RANBP2: variants seen among roughly 807,000 people sequenced by gnomAD.
The protein encoded by RANBP2 is E3 SUMO-protein ligase RanBP2.
Under a neutral mutation model 303.6 loss-of-function variants are expected in RANBP2, and 57 were observed. The observed-to-expected ratio is 0.19, with a 90% CI of 0.15 to 0.23. The LOEUF is 0.23. RANBP2 is among the 10% of genes least tolerant of loss of function. The pLI is 1.00. For missense variants in RANBP2, 3,138 were observed against 3,780.8 expected (o/e 0.83, Z 4.46); for synonymous variants, 1,167 against 1,301.5 (o/e 0.90, Z 2.23).
chr2:109,715,001 C>G, the RANBP2 span, among the ~76,000 whole-genome samples: 134 of 136,316 alleles, frequency 9.8e-4, no homozygotes, highest in Non-Finnish European at 1.8e-3. Context: ...TGGAGTTTCG[C>G]TCTTGTTGCC....
chr2:108,880,079 A>G, the RANBP2 span, among the ~76,000 whole-genome samples: 1 of 152,194 alleles, frequency 6.6e-6, no homozygotes, highest in Non-Finnish European at 1.5e-5. Context: ...AAAGCAAAAG[A>G]AAACATTTTA....
the RANBP2 span, among the ~76,000 whole-genome samples, chr2:109,199,171 A>G: frequency 6.6e-6 from 1 of 151,866 alleles, no homozygotes; most frequent in African/African-American, 2.4e-5. Context: ...CATCCTGGCT[A>G]ACACGGTGAA....
the RANBP2 span, among the ~76,000 whole-genome samples, chr2:109,604,410 GAAAGAAAGAAA>G: frequency 7.2e-6 from 1 of 138,178 alleles, no homozygotes; most frequent in Non-Finnish European, 1.6e-5. Context: ...GGGGAGAAAA[GAAAGAAAGAAA>G]AAAGAAAGAA....
chr2:109,123,980 T>A, the RANBP2 span, among the ~76,000 whole-genome samples: 1 of 147,508 alleles, frequency 6.8e-6, no homozygotes, highest in East Asian at 2.0e-4. Context: ...TTCTTTTCAG[T>A]TTTATTTATT....
the RANBP2 span, among the ~76,000 whole-genome samples, chr2:109,171,329 TAAG>T: frequency 6.6e-6 from 1 of 152,368 alleles, no homozygotes; most frequent in African/African-American, 2.4e-5. Flanking sequence ...TATAGCCTGT[TAAG>T]AATTCAAAGT....
At chr2:109,593,075 T>C in the RANBP2 span, 1 of 1,601,916 alleles carries the variant, frequency 6.2e-7, no homozygotes, top group South Asian at 1.1e-5. Context: ...CTGATCCTTG[T>C]GAAGACATAC....
the RANBP2 span, among the ~76,000 whole-genome samples, chr2:109,325,691 A>G: frequency 6.6e-6 from 1 of 152,074 alleles, no homozygotes; most frequent in Non-Finnish European, 1.5e-5. Flanking sequence ...ATGCCCACTC[A>G]TCTCCTGGTT....
chr2:109,261,566 A>G, the RANBP2 span, among the ~76,000 whole-genome samples: 1 of 152,146 alleles, frequency 6.6e-6, no homozygotes, highest in Non-Finnish European at 1.5e-5. Flanking sequence ...AAACAAGTGC[A>G]TTCGAAGGGA....
the RANBP2 span, among the ~76,000 whole-genome samples, chr2:108,982,925 G>A: frequency 6.6e-6 from 1 of 152,212 alleles, no homozygotes; most frequent in East Asian, 1.9e-4. Flanking sequence ...CATGTGCAGG[G>A]ATGGTCTCTC....
At chr2:109,368,451 T>C in the RANBP2 span, among the ~76,000 whole-genome samples, 1 of 152,276 alleles carries the variant, frequency 6.6e-6, no homozygotes, top group East Asian at 1.9e-4. Flanking sequence ...TTTTTAATGA[T>C]TGGCCAATTT....
chr2:108,885,854 C>T, the RANBP2 span, among the ~76,000 whole-genome samples: 1 of 152,188 alleles, frequency 6.6e-6, no homozygotes, highest in East Asian at 1.9e-4. Flanking sequence ...TAAGTGGAAA[C>T]ATGTGACATT....
chr2:109,722,341 G>C, the RANBP2 span, among the ~76,000 whole-genome samples: 1 of 152,192 alleles, frequency 6.6e-6, no homozygotes, highest in African/African-American at 2.4e-5. Context: ...GCCTGGCACT[G>C]CTCCGGCTCA....
At chr2:109,271,349 CT>C in the RANBP2 span, among the ~76,000 whole-genome samples, 1 of 152,300 alleles carries the variant, frequency 6.6e-6, no homozygotes, top group East Asian at 1.9e-4. Flanking sequence ...CAGGAGGAAC[CT>C]AGAGGGATGT....
At chr2:109,026,998 C>T in the RANBP2 span, among the ~76,000 whole-genome samples, 1 of 152,186 alleles carries the variant, frequency 6.6e-6, no homozygotes, top group Admixed American at 6.5e-5. Context: ...AATTGCAGCA[C>T]TCTGGGAGGC....
the RANBP2 span, among the ~76,000 whole-genome samples, chr2:108,957,483 G>C: frequency 6.6e-6 from 1 of 152,212 alleles, no homozygotes; most frequent in Non-Finnish European, 1.5e-5. Flanking sequence ...CGGGCTCATG[G>C]AGGCCCCCCA....
chr2:109,711,913 G>C, the RANBP2 span, among the ~76,000 whole-genome samples: 1 of 152,076 alleles, frequency 6.6e-6, no homozygotes, highest in Non-Finnish European at 1.5e-5. Flanking sequence ...GCTGCTGCTC[G>C]CTTCTCCCTG....
At chr2:108,739,416 A>G (rs955071094) in intron 6 of RANBP2, among the ~76,000 whole-genome samples, 2 of 152,106 alleles carry the variant, frequency 1.3e-5, no homozygotes, top group Non-Finnish European at 2.9e-5. Flanking sequence ...AACAAAAACA[A>G]AAAAACTCAG....
the RANBP2 span, among the ~76,000 whole-genome samples, chr2:109,577,116 C>T: frequency 6.6e-6 from 1 of 152,022 alleles, no homozygotes; most frequent in African/African-American, 2.4e-5. Flanking sequence ...AGGGAGACTT[C>T]TTAATAGCAA....
At chr2:109,643,425 A>C in the RANBP2 span, among the ~76,000 whole-genome samples, 1 of 152,140 alleles carries the variant, frequency 6.6e-6, no homozygotes, top group East Asian at 1.9e-4. Context: ...CACAAGATAC[A>C]GGTCTTAAAG....
Sources: allele counts gnomAD v4.1 joint callset (sites outside exome capture counted in the v4.1 genomes callset), GRCh38; gene constraint gnomAD v4.1.1; transcripts MANE v1.5; gene names NCBI Gene and HGNC (gene_info 2026-07-23, HGNC 2026-07-21).